EIF3H: variants seen among roughly 807,000 people sequenced by gnomAD.
EIF3H encodes the protein eIF-3-gamma.
Under a neutral mutation model 44.2 loss-of-function variants are expected in EIF3H, and 26 were observed. That is an observed-to-expected ratio of 0.59 (90% CI 0.43 to 0.82). EIF3H has a LOEUF of 0.82. EIF3H is among the 40% of genes least tolerant of loss of function. The pLI is 0.00. For synonymous variants in EIF3H, 166 were observed against 151.9 expected, an observed-to-expected ratio of 1.09 and a Z score of -0.68; for missense variants, 359 against 432.8, an observed-to-expected ratio of 0.83 and a Z score of 1.51.
intron 2 of EIF3H, among the ~76,000 whole-genome samples, chr8:116,719,802 C>T (rs1814714411): frequency 1.3e-5 from 2 of 152,096 alleles, no homozygotes; most frequent in East Asian, 3.9e-4. Flanking sequence ...AATGACAATT[C>T]CGATTAATTT....
At chr8:116,755,952 C>T, upstream of EIF3H, 8 of 1,536,654 alleles carry the variant, frequency 5.2e-6, no homozygotes, top group Non-Finnish European at 7.0e-6. Flanking sequence ...CCAGTTTTAC[C>T]TTCTTTCCAG....
chr8:116,671,544 T>C (rs1813755137), intron 2 of EIF3H, among the ~76,000 whole-genome samples: 1 of 152,154 alleles, frequency 6.6e-6, no homozygotes, highest in African/African-American at 2.4e-5. Flanking sequence ...AAAGAATGAA[T>C]TCATGCATTC....
intron 2 of EIF3H, among the ~76,000 whole-genome samples, chr8:116,687,178 T>A (rs1814091681): frequency 3.9e-5 from 6 of 152,130 alleles, no homozygotes; most frequent in Admixed American, 2.6e-4. Context: ...AGTTAGGAAA[T>A]GTGAATAGGC....
intron 2 of EIF3H, among the ~76,000 whole-genome samples, chr8:116,706,826 T>C (rs1387195454): frequency 6.6e-6 from 1 of 152,186 alleles, no homozygotes; most frequent in Non-Finnish European, 1.5e-5. Context: ...AATACAGGCA[T>C]GAGCCACAGC....
At chr8:116,722,502 G>A (rs948473566) in intron 2 of EIF3H, among the ~76,000 whole-genome samples, 1 of 152,064 alleles carries the variant, frequency 6.6e-6, no homozygotes. Flanking sequence ...CCTTCCAGAC[G>A]TAACTATTAC....
chr8:116,676,736 T>A (rs1813854542), intron 2 of EIF3H, among the ~76,000 whole-genome samples: 1 of 152,250 alleles, frequency 6.6e-6, no homozygotes, highest in South Asian at 2.1e-4. Flanking sequence ...CAGTCTTGGC[T>A]TAGAAGCCCC....
At chr8:116,749,192 T>C (rs757338857) in intron 1 of EIF3H, among the ~76,000 whole-genome samples, 6 of 152,216 alleles carry the variant, frequency 3.9e-5, no homozygotes, top group Non-Finnish European at 8.8e-5. Context: ...AAATGTTTTA[T>C]ACTTCAGCCT....
Position 116,642,430 on chromosome 8 carries a change from A to G in EIF3H, c.*2576T>C, listed in dbSNP as rs1813236194. ...CAAGCTTCCAAAAATAGGTAAAAAA[A>G]TTATTTTAGTTTAAGTTGATATTAA... On this transcript the variant is annotated 3_prime_UTR_variant, in exon 8 of 8. Transcript: ENST00000521861. The G allele has an allele frequency of 6.6e-6, 1 of 152,162 alleles. No homozygotes were observed. The highest frequency in any genetic ancestry group is 2.1e-4 in the South Asian group (1 of 4,826). 9.4% of individuals were successfully genotyped at this position (152,162 alleles called of 1,614,324 possible).
At chr8:116,690,204 C>G (rs971349038) in intron 2 of EIF3H, among the ~76,000 whole-genome samples, 1 of 152,084 alleles carries the variant, frequency 6.6e-6, no homozygotes, top group African/African-American at 2.4e-5. Flanking sequence ...TCAGAGATGA[C>G]AAACCTCTGA....
At chr8:116,737,424 G>C (rs1327143507) in intron 1 of EIF3H, 1 of 362,038 alleles carries the variant, frequency 2.8e-6, no homozygotes, top group Non-Finnish European at 5.2e-6. Flanking sequence ...GGGAGGCTGA[G>C]GCAGACCGAT....
At chr8:116,723,903 A>G (rs1451970208) in intron 2 of EIF3H, among the ~76,000 whole-genome samples, 1 of 152,214 alleles carries the variant, frequency 6.6e-6, no homozygotes, top group Non-Finnish European at 1.5e-5. Flanking sequence ...CTACTCAAAG[A>G]CAGATTCAAT....
upstream of EIF3H, among the ~76,000 whole-genome samples, chr8:116,756,495 A>G (rs1212615027): frequency 1.3e-5 from 2 of 152,262 alleles, no homozygotes; most frequent in South Asian, 2.1e-4. Flanking sequence ...AAGTCCTTAA[A>G]AGAATATATG....
intron 2 of EIF3H, among the ~76,000 whole-genome samples, chr8:116,666,520 T>C (rs1351600533): frequency 6.6e-6 from 1 of 152,106 alleles, no homozygotes; most frequent in African/African-American, 2.4e-5. Context: ...AATACATATA[T>C]ACATTTATGG....
intron 2 of EIF3H, among the ~76,000 whole-genome samples, chr8:116,674,106 TA>T (rs1168166685): frequency 4.3e-5 from 6 of 140,330 alleles, no homozygotes; most frequent in Admixed American, 1.4e-4. Context: ...GATGAACACT[TA>T]AAGGTGGAAA....
intron 1 of EIF3H, among the ~76,000 whole-genome samples, chr8:116,747,840 T>G (rs1212081268): frequency 6.6e-6 from 1 of 152,148 alleles, no homozygotes; most frequent in Admixed American, 6.5e-5. Context: ...CCTGCTGCGG[T>G]GGCTCACACC....
intron 5 of EIF3H, among the ~76,000 whole-genome samples, chr8:116,653,593 G>T (rs1159515717): frequency 6.6e-6 from 1 of 152,080 alleles, no homozygotes. Flanking sequence ...AGGACATGAA[G>T]TGTTAAGTCT....
At chr8:116,705,305 G>C (rs922317720) in intron 2 of EIF3H, among the ~76,000 whole-genome samples, 9 of 152,136 alleles carry the variant, frequency 5.9e-5, no homozygotes, top group African/African-American at 2.2e-4. Context: ...GAGAAAAGCT[G>C]TTCAAGTTGT....
intron 5 of EIF3H, among the ~76,000 whole-genome samples, chr8:116,650,013 A>T (rs1813362764): frequency 6.6e-6 from 1 of 152,226 alleles, no homozygotes; most frequent in Non-Finnish European, 1.5e-5. Context: ...GGATTAGGTC[A>T]GGCAGACCAG....
rs989254174 is a variant in EIF3H, at chr8:116,695,034, A to G, written c.289+30982T>C. Among the ~76,000 whole-genome samples, 31 of 151,608 alleles carry G rather than the reference A, an allele frequency of 2.0e-4. 1 individual carries two copies. The highest frequency in any genetic ancestry group is 4.8e-5 in the African/African-American group (2 of 41,278). ...CAAAGCAGCAGCAACAAAATGATGT[A>G]GTGCAAAAAAAACTAAGGTAAACTT... On this transcript the variant is annotated intron_variant, in intron 2 of 7. Transcript: ENST00000521861.
Sources: gnomAD v4.1 joint callset for allele counts (sites outside exome capture counted in the v4.1 genomes callset) on GRCh38, gnomAD v4.1.1 for gene constraint, MANE v1.5 for transcripts, NCBI Gene and HGNC (gene_info 2026-07-23, HGNC 2026-07-21) for gene names.